The following GNA14 variants were observed in gnomAD, a reference collection of about 807,000 sequenced individuals.
GNA14 encodes guanine nucleotide-binding protein subunit alpha-14.
In GNA14, 50 loss-of-function variants were observed where a neutral mutation model predicts 42.0. The observed-to-expected ratio is 1.19, with a 90% CI of 0.95 to 1.51. The LOEUF (loss-of-function observed/expected upper bound fraction) is 1.51, where lower values mean the gene tolerates loss of function less well. Among genes scored for constraint, GNA14 ranks in the 40% most tolerant of loss-of-function variants. GNA14 has a pLI of 0.00. For missense variants in GNA14, 473 were observed against 446.2 expected (o/e 1.06, Z -0.54); for synonymous variants, 173 against 163.1 (o/e 1.06, Z -0.46).
chr9:77,618,357 T>G (rs1823856327), intron 1 of GNA14, among the ~76,000 whole-genome samples: 1 of 151,806 alleles, frequency 6.6e-6, no homozygotes, highest in South Asian at 2.1e-4. Context: ...GCACAGGTGC[T>G]TCTCATGATA....
chr9:77,601,580 A>C (rs957500272), intron 1 of GNA14, among the ~76,000 whole-genome samples: 8 of 152,228 alleles, frequency 5.3e-5, no homozygotes, highest in African/African-American at 1.9e-4. Context: ...CATTTGCAGG[A>C]GTAGGTAGCT....
chr9:77,580,279 C>A, intron 1 of GNA14: 1 of 309,610 alleles, frequency 3.2e-6, no homozygotes, highest in South Asian at 3.1e-5. Context: ...CAAACTGAAT[C>A]CAGCTTCATT....
At chr9:77,424,309 G>C in intron 6 of GNA14, 140 bp from the exon 7 acceptor site, 1 of 517,734 alleles carries the variant, frequency 1.9e-6, no homozygotes, top group Non-Finnish European at 3.4e-6. Flanking sequence ...TGCAACCTCT[G>C]CTTCTGGGGT....
At chr9:77,584,058 A>G (rs775664125) in intron 1 of GNA14, among the ~76,000 whole-genome samples, 4 of 152,204 alleles carry the variant, frequency 2.6e-5, no homozygotes, top group Non-Finnish European at 5.9e-5. Context: ...AGAATGTGTG[A>G]AAAGGAATAC....
intron 1 of GNA14, among the ~76,000 whole-genome samples, chr9:77,592,181 C>T (rs4392968): frequency 2.8e-3 from 425 of 152,240 alleles, no homozygotes; most frequent in Non-Finnish European, 4.4e-3. Context: ...GGATTACAGG[C>T]GTGAGCCACC....
At chr9:77,509,477 A>C (rs12235412) in intron 2 of GNA14, among the ~76,000 whole-genome samples, 34,448 of 152,158 alleles carry the variant, frequency 0.23, 4,155 homozygotes, top group East Asian at 0.46. Flanking sequence ...AAAAGTGATA[A>C]TGCTATGTTT....
chr9:77,570,511 C>T (rs1456784624), intron 1 of GNA14, among the ~76,000 whole-genome samples: 1 of 152,186 alleles, frequency 6.6e-6, no homozygotes, highest in African/African-American at 2.4e-5. Context: ...GCATGCATAA[C>T]TGGCTTCCTT....
At chr9:77,425,296 C>A (rs548088788) in intron 6 of GNA14, among the ~76,000 whole-genome samples, 1 of 152,020 alleles carries the variant, frequency 6.6e-6, no homozygotes, top group Non-Finnish European at 1.5e-5. Flanking sequence ...GAAGGGGAGG[C>A]CTTTGCTGGG....
chr9:77,643,905 G>A (rs1455809906), intron 1 of GNA14, among the ~76,000 whole-genome samples: 1 of 152,138 alleles, frequency 6.6e-6, no homozygotes, highest in Non-Finnish European at 1.5e-5. Flanking sequence ...AGCACTCACT[G>A]CCATCCAAAG....
At chr9:77,533,184 T>A (rs563821904) in intron 1 of GNA14, among the ~76,000 whole-genome samples, 3 of 152,250 alleles carry the variant, frequency 2.0e-5, no homozygotes, top group Admixed American at 2.0e-4. Context: ...GCACCATATA[T>A]ATATATTTTG....
chr9:77,482,887 C>A (rs1172262163), intron 2 of GNA14, among the ~76,000 whole-genome samples: 3 of 152,230 alleles, frequency 2.0e-5, no homozygotes, highest in Non-Finnish European at 4.4e-5. Flanking sequence ...CGTTCTTGAG[C>A]CTTGGCTTTC....
chr9:77,542,982 C>T (rs1194639277), intron 1 of GNA14, among the ~76,000 whole-genome samples: 2 of 152,218 alleles, frequency 1.3e-5, no homozygotes, highest in Non-Finnish European at 2.9e-5. Context: ...GGCAGCAGTG[C>T]ACTTCAGGCC....
intron 1 of GNA14, chr9:77,580,587 C>A (rs2117856102): frequency 2.0e-6 from 1 of 500,088 alleles, no homozygotes. Context: ...CTTGGGTTTG[C>A]ACCAATGACA....
At chr9:77,467,021 G>A (rs1564023181) in intron 2 of GNA14, among the ~76,000 whole-genome samples, 1 of 151,776 alleles carries the variant, frequency 6.6e-6, no homozygotes, top group Non-Finnish European at 1.5e-5. Context: ...GTGTGTGTGT[G>A]TGTGTGTGTG....
At chr9:77,549,815 A>G (rs938362540) in intron 1 of GNA14, among the ~76,000 whole-genome samples, 2 of 152,128 alleles carry the variant, frequency 1.3e-5, no homozygotes, top group Admixed American at 1.3e-4. Context: ...CACAGGCCCA[A>G]GGGACCGTGC....
rs143981013 is a variant in GNA14 at position 77,433,905 on chromosome 9, C to T, written c.464+463G>A. Among the ~76,000 whole-genome samples, 48 of 152,250 alleles carry T rather than the reference C, an allele frequency of 3.2e-4. No individual in the cohort carries two copies. In the East Asian group the frequency reaches 8.3e-3, roughly 26 times the overall value. On this transcript the variant is annotated intron_variant, in intron 3 of 6. Coordinates refer to ENST00000341700, the MANE Select transcript of GNA14 (RefSeq NM_004297.4). ...ATCAGCAGCTGATGGGTCCACGGCC[C>T]CGCTGCTCTAAACTTGACTTTAGAT...
At chr9:77,568,917 G>A (rs1000772281) in intron 1 of GNA14, among the ~76,000 whole-genome samples, 1 of 152,166 alleles carries the variant, frequency 6.6e-6, no homozygotes, top group Non-Finnish European at 1.5e-5. Context: ...GATGCAATTT[G>A]GAAAGAGACT....
chr9:77,533,701 T>C (rs1298172968), intron 1 of GNA14, among the ~76,000 whole-genome samples: 1 of 152,226 alleles, frequency 6.6e-6, no homozygotes, highest in Non-Finnish European at 1.5e-5. Context: ...TCTCCTGCTA[T>C]ACAGCTTTGC....
intron 1 of GNA14, among the ~76,000 whole-genome samples, chr9:77,641,542 A>G (rs1824267840): frequency 6.6e-6 from 1 of 151,812 alleles, no homozygotes; most frequent in South Asian, 2.1e-4. Flanking sequence ...TAAGAAAATC[A>G]CCAGTTAAAT....
Sources: gnomAD v4.1 joint callset for allele counts (sites outside exome capture counted in the v4.1 genomes callset) on GRCh38, gnomAD v4.1.1 for gene constraint, MANE v1.5 for transcripts, NCBI Gene and HGNC (gene_info 2026-07-23, HGNC 2026-07-21) for gene names.